The following RAP1GAP2 variants were observed in gnomAD, a reference collection of about 807,000 sequenced individuals.
RAP1GAP2 encodes the protein RAP1 GTPase activating protein 2, also known as rap1 GTPase-activating protein 2.
In RAP1GAP2, 27 loss-of-function variants were observed where a neutral mutation model predicts 95.0. That is an observed-to-expected ratio of 0.28 (90% confidence interval 0.21 to 0.39). RAP1GAP2 has a LOEUF of 0.39. Among genes scored for constraint, RAP1GAP2 ranks in the 10% least tolerant of loss-of-function variants. The pLI, the probability that RAP1GAP2 is intolerant of heterozygous loss-of-function variation, is 1.00. For synonymous variants in RAP1GAP2, 373 were observed against 380.9 expected, an observed-to-expected ratio of 0.98 and a Z score of 0.24; for missense variants, 771 against 970.0, an observed-to-expected ratio of 0.79 and a Z score of 2.72.
rs553492435 is a variant in RAP1GAP2, at chr17:2,887,421, C to G, written c.81-17863C>G. 3.3e-4 allele frequency among the ~76,000 whole-genome samples: 49 copies of G among 150,360 alleles called. No homozygotes were observed. The South Asian group carries it at 0.01, about 31-fold the overall frequency. ...TGGAGTTTCGCTCTTGTTGTCCAAG[C>G]TGGAGTGCAATGGCGTGATCTCGGC... On this transcript the variant is annotated intron_variant, in intron 2 of 24. Transcript: ENST00000254695.
chr17:2,927,338 A>T (rs896475348), intron 3 of RAP1GAP2, among the ~76,000 whole-genome samples: 9 of 151,796 alleles, frequency 5.9e-5, no homozygotes, highest in South Asian at 2.1e-4. Context: ...TATTTTTAGT[A>T]GAGACGGGGT....
At chr17:2,996,434 C>T (rs566688298) in intron 13 of RAP1GAP2, among the ~76,000 whole-genome samples, 3 of 152,300 alleles carry the variant, frequency 2.0e-5, no homozygotes, top group Admixed American at 2.0e-4. Context: ...TGAGCAGGAA[C>T]TGGGGAGGGA....
chr17:2,795,273 C>G (rs1203442251), upstream of RAP1GAP2, among the ~76,000 whole-genome samples: 1 of 151,956 alleles, frequency 6.6e-6, no homozygotes, highest in East Asian at 1.9e-4. Context: ...TGTGCCCACT[C>G]CCCCCAGTGT....
rs117302979 is a variant in RAP1GAP2, at chr17:2,953,400, T to C, written c.166-4359T>C. 3.1e-3 allele frequency among the ~76,000 whole-genome samples: 474 copies of C among 152,320 alleles called. 5 individuals carry two copies. Among genetic ancestry groups the C allele is most frequent in the South Asian group, 0.027 (129 of 4,830 alleles). On this transcript the variant is annotated intron_variant, in intron 3 of 24. Coordinates refer to ENST00000254695, the MANE Select transcript of RAP1GAP2 (RefSeq NM_015085.5). ...AATTGAGATTATATTCAATGTATTG[T>C]CTCTGATTTCCTCCACCCCTCAACT...
At chr17:2,785,899 C>CCTT (rs376291459) in intron 1 of RAP1GAP2, among the ~76,000 whole-genome samples, 2 of 119,952 alleles carry the variant, frequency 1.7e-5, no homozygotes, top group African/African-American at 6.5e-5. Context: ...AAAAGTATGA[C>CCTT]TTTTTTTTTT....
chr17:2,921,973 C>T (rs1233276767), intron 3 of RAP1GAP2, among the ~76,000 whole-genome samples: 1 of 152,168 alleles, frequency 6.6e-6, no homozygotes, highest in Non-Finnish European at 1.5e-5. Flanking sequence ...CCTGGGTAAT[C>T]GGGATGATCT....
intron 2 of RAP1GAP2, among the ~76,000 whole-genome samples, chr17:2,897,384 T>C (rs1362597801): frequency 1.3e-5 from 2 of 151,868 alleles, no homozygotes; most frequent in African/African-American, 4.8e-5. Flanking sequence ...CAGAAGCCAG[T>C]TGTGCTTCCT....
intron 2 of RAP1GAP2, among the ~76,000 whole-genome samples, chr17:2,806,880 T>C (rs2069544054): frequency 6.7e-6 from 1 of 149,682 alleles, no homozygotes; most frequent in Admixed American, 6.6e-5. Flanking sequence ...GACGGGGTTT[T>C]GCCATGTTGG....
chr17:2,905,969 C>A (rs371928606), intron 3 of RAP1GAP2, among the ~76,000 whole-genome samples: 1 of 152,236 alleles, frequency 6.6e-6, no homozygotes, highest in Admixed American at 6.5e-5. Flanking sequence ...CCATGACCTT[C>A]CCCCATCACT....
At chr17:2,856,107 C>T (rs1484663056) in intron 2 of RAP1GAP2, among the ~76,000 whole-genome samples, 1 of 152,162 alleles carries the variant, frequency 6.6e-6, no homozygotes, top group Admixed American at 6.5e-5. Context: ...GGATTCCCTT[C>T]TGTTTTCTGC....
intron 1 of RAP1GAP2, among the ~76,000 whole-genome samples, chr17:2,786,781 G>A (rs1052363783): frequency 6.6e-6 from 1 of 151,954 alleles, no homozygotes; most frequent in Non-Finnish European, 1.5e-5. Context: ...GAGTAGCTGG[G>A]ATTACAGGCA....
chr17:2,762,467 G>A (rs1237281651), intron 1 of RAP1GAP2, among the ~76,000 whole-genome samples: 1 of 147,544 alleles, frequency 6.8e-6, no homozygotes, highest in Non-Finnish European at 1.5e-5. Flanking sequence ...GCACGATCTC[G>A]GCTCACTGCA....
chr17:2,847,585 G>C (rs73976602), intron 2 of RAP1GAP2, among the ~76,000 whole-genome samples: 352 of 152,334 alleles, frequency 2.3e-3, no homozygotes, highest in African/African-American at 8.0e-3. Context: ...GTTTTGGAGA[G>C]TCTGCTGGTT....
intron 8 of RAP1GAP2, among the ~76,000 whole-genome samples, chr17:2,971,336 T>C (rs1424775078): frequency 2.0e-5 from 3 of 152,206 alleles, no homozygotes; most frequent in African/African-American, 7.2e-5. Context: ...TTACAGAATA[T>C]TTATAAAGTA....
chr17:2,875,034 G>A (rs1318531715), intron 2 of RAP1GAP2, among the ~76,000 whole-genome samples: 1 of 152,134 alleles, frequency 6.6e-6, no homozygotes, highest in Non-Finnish European at 1.5e-5. Flanking sequence ...CTTGGGGACG[G>A]CGCCCTTCGA....
chr17:2,914,639 C>T (rs60206637), intron 3 of RAP1GAP2, among the ~76,000 whole-genome samples: 9,939 of 151,538 alleles, frequency 0.066, 806 homozygotes, highest in East Asian at 0.29. Context: ...TACAGGCGCC[C>T]GCCACCACGC....
chr17:2,968,187 T>C (rs2044700838), intron 8 of RAP1GAP2, among the ~76,000 whole-genome samples: 2 of 152,028 alleles, frequency 1.3e-5, no homozygotes, highest in Admixed American at 1.3e-4. Flanking sequence ...AAAGATAGAG[T>C]GAGCCAACAG....
chr17:2,780,329 G>A (rs2068615055), intron 1 of RAP1GAP2, among the ~76,000 whole-genome samples: 1 of 152,228 alleles, frequency 6.6e-6, no homozygotes. Flanking sequence ...GGGGTGACAG[G>A]CGGGAGCCGC....
chr17:2,769,998 G>A (rs146444876), intron 1 of RAP1GAP2, among the ~76,000 whole-genome samples: 141 of 151,312 alleles, frequency 9.3e-4, no homozygotes, highest in African/African-American at 3.3e-3. Context: ...GCTTGAACTT[G>A]GGAGGTGGAG....
Sources: allele counts gnomAD v4.1 joint callset (sites outside exome capture counted in the v4.1 genomes callset), GRCh38; gene constraint gnomAD v4.1.1; transcripts MANE v1.5; gene names NCBI Gene and HGNC (gene_info 2026-07-23, HGNC 2026-07-21).